The following TEX9 variants were observed in gnomAD, a reference collection of about 807,000 sequenced individuals.
TEX9 encodes the protein testis expressed 9, also known as testis-expressed protein 9.
In TEX9, 74 loss-of-function variants were observed where a neutral mutation model predicts 59.6. The ratio of observed to expected loss-of-function variants is 1.24; its 90% confidence interval spans 1.03 to 1.51. The LOEUF (loss-of-function observed/expected upper bound fraction) is 1.51, where lower values mean the gene tolerates loss of function less well. Among genes scored for constraint, TEX9 ranks in the 40% most tolerant of loss-of-function variants. The pLI, the probability that TEX9 is intolerant of heterozygous loss-of-function variation, is 0.00. For missense variants in TEX9, 522 were observed against 447.8 expected (o/e 1.17, Z -1.49); for synonymous variants, 186 against 152.2 (o/e 1.22, Z -1.64).
At chr15:56,304,151 A>G (rs565453617) in intron 1 of TEX9, among the ~76,000 whole-genome samples, 29 of 152,346 alleles carry the variant, frequency 1.9e-4, no homozygotes, top group African/African-American at 6.7e-4. Context: ...CTACGAGGCC[A>G]GTATTACTCT....
intron 4 of TEX9, among the ~76,000 whole-genome samples, chr15:56,388,234 A>C (rs2048049220): frequency 6.6e-6 from 1 of 151,950 alleles, no homozygotes; most frequent in African/African-American, 2.4e-5. Context: ...TTTTTGCTAC[A>C]TTTTCCTACT....
At chr15:56,388,859 A>T (rs1291383558) in intron 5 of TEX9, among the ~76,000 whole-genome samples, 2 of 152,016 alleles carry the variant, frequency 1.3e-5, no homozygotes, top group African/African-American at 2.4e-5. Context: ...GTGATTTGAA[A>T]AGTTTGTTTG....
intron 10 of TEX9, among the ~76,000 whole-genome samples, chr15:56,420,275 C>T (rs2049913854): frequency 6.6e-6 from 1 of 150,656 alleles, no homozygotes; most frequent in Non-Finnish European, 1.5e-5. Context: ...CCTCTCCTTA[C>T]TTTTGGGTTC....
At chr15:56,333,540 A>G (rs1229344624) in intron 1 of TEX9, among the ~76,000 whole-genome samples, 1 of 151,926 alleles carries the variant, frequency 6.6e-6, no homozygotes, top group Non-Finnish European at 1.5e-5. Context: ...AATAAAAGCC[A>G]TAGATGACAG....
intron 12 of TEX9, among the ~76,000 whole-genome samples, chr15:56,441,807 G>C (rs2050818290): frequency 6.6e-6 from 1 of 152,134 alleles, no homozygotes; most frequent in South Asian, 2.1e-4. Flanking sequence ...GAGGTCAGGA[G>C]ATCGAGACCA....
chr15:56,428,711 C>T, intron 12 of TEX9: 1 of 366,608 alleles, frequency 2.7e-6, no homozygotes, highest in East Asian at 4.6e-5. Context: ...TTACAGTAGA[C>T]CAAAAAAGAT....
chr15:56,334,284 C>T (rs1017032403), intron 1 of TEX9, among the ~76,000 whole-genome samples: 15 of 152,258 alleles, frequency 9.9e-5, no homozygotes, highest in South Asian at 8.3e-4. Context: ...GTAACCAAAA[C>T]GGCATGGTAC....
intron 1 of TEX9, among the ~76,000 whole-genome samples, chr15:56,263,667 C>G (rs1315636238): frequency 6.6e-6 from 1 of 152,142 alleles, no homozygotes. Context: ...TAGAGCAGTT[C>G]CATCATTCCC....
At chr15:56,369,926 A>G (rs2047114761) in intron 2 of TEX9, among the ~76,000 whole-genome samples, 1 of 151,916 alleles carries the variant, frequency 6.6e-6, no homozygotes, top group South Asian at 2.1e-4. Context: ...GTTTGGGAAT[A>G]TCTTGTTTGA....
intron 10 of TEX9, among the ~76,000 whole-genome samples, chr15:56,426,636 CAA>C (rs201050288): frequency 0.024 from 1,899 of 77,620 alleles, 76 homozygotes; most frequent in Non-Finnish European, 0.038. Context: ...TACACACACA[CAA>C]ACACACACAC....
intron 7 of TEX9, chr15:56,393,809 C>T (rs2048325526): frequency 5.7e-6 from 1 of 174,278 alleles, no homozygotes; most frequent in African/African-American, 2.4e-5. Flanking sequence ...AGTGGCTGCA[C>T]TGAAGCTGAG....
chr15:56,296,407 A>G (rs2718952), intron 1 of TEX9, among the ~76,000 whole-genome samples: 53,007 of 152,056 alleles, frequency 0.35, 10,618 homozygotes, highest in Non-Finnish European at 0.45. Flanking sequence ...AGATGAAGAC[A>G]TTGTGTTTCA....
chr15:56,441,080 G>A (rs2050807730), intron 12 of TEX9, among the ~76,000 whole-genome samples: 1 of 151,974 alleles, frequency 6.6e-6, no homozygotes, highest in South Asian at 2.1e-4. Context: ...TTGGAATGCT[G>A]TTTTTTGAAT....
At chr15:56,287,263 C>T (rs2044976427) in intron 1 of TEX9, among the ~76,000 whole-genome samples, 1 of 152,144 alleles carries the variant, frequency 6.6e-6, no homozygotes, top group African/African-American at 2.4e-5. Flanking sequence ...CTTTTCCCCA[C>T]TTTTTATGGG....
intron 1 of TEX9, among the ~76,000 whole-genome samples, chr15:56,287,916 T>C (rs2044991472): frequency 1.3e-5 from 2 of 152,204 alleles, no homozygotes; most frequent in Admixed American, 6.5e-5. Context: ...TATCCATTCA[T>C]TCATTGATAA....
chr15:56,333,569 ACG>A (rs2141786468), intron 1 of TEX9, among the ~76,000 whole-genome samples: 1 of 152,222 alleles, frequency 6.6e-6, no homozygotes, highest in South Asian at 2.1e-4. Context: ...ATAGTATATC[ACG>A]CTGAATGGGA....
At chr15:56,339,404 A>AAAACC (rs1301170856) in intron 1 of TEX9, among the ~76,000 whole-genome samples, 1 of 138,618 alleles carries the variant, frequency 7.2e-6, no homozygotes, top group Non-Finnish European at 1.6e-5. Context: ...AAAAAAAAAA[A>AAAACC]AAAAAAAAAA....
upstream of TEX9, among the ~76,000 whole-genome samples, chr15:56,362,699 C>G (rs1389777023): frequency 6.6e-6 from 1 of 152,188 alleles, no homozygotes; most frequent in African/African-American, 2.4e-5. Flanking sequence ...AACTCCTTAG[C>G]TAACCCTCCA....
At chr15:56,389,230 G>T in intron 5 of TEX9, 88 bp from the exon 6 acceptor site, 2 of 1,012,326 alleles carry the variant, frequency 2.0e-6, no homozygotes, top group Middle Eastern at 2.4e-4. Context: ...GTTTTTCTGT[G>T]TAGCAAAATT....
Sources: gnomAD v4.1 joint callset for allele counts (sites outside exome capture counted in the v4.1 genomes callset) on GRCh38, gnomAD v4.1.1 for gene constraint, MANE v1.5 for transcripts, NCBI Gene and HGNC (gene_info 2026-07-23, HGNC 2026-07-21) for gene names.